Variants in PIGK observed in about 807,000 individuals in gnomAD.
PIGK encodes GPI-anchor transamidase.
A neutral mutation model predicts 50.6 loss-of-function variants in PIGK; 42 were observed. That is an observed-to-expected ratio of 0.83 (90% CI 0.65 to 1.07). PIGK has a LOEUF of 1.07. Ranked by LOEUF, PIGK falls within the 50% of genes least tolerant of loss-of-function variation. PIGK has a pLI of 0.00. For synonymous variants in PIGK, 151 were observed against 156.0 expected, an observed-to-expected ratio of 0.97 and a Z score of 0.24; for missense variants, 448 against 488.7, an observed-to-expected ratio of 0.92 and a Z score of 0.78.
chr1:77,169,828 TAC>T (rs1570238901), intron 3 of PIGK, among the ~76,000 whole-genome samples: 1 of 152,212 alleles, frequency 6.6e-6, no homozygotes, highest in Non-Finnish European at 1.5e-5. Context: ...TCTCAAGACT[TAC>T]AGAGTCCACG....
chr1:77,196,916 T>C (rs1340069874), intron 3 of PIGK, among the ~76,000 whole-genome samples: 3 of 152,216 alleles, frequency 2.0e-5, no homozygotes, highest in African/African-American at 7.2e-5. Flanking sequence ...GAATGGTATT[T>C]CCTAAGTTTT....
chr1:77,150,654 A>G (rs1468786514), intron 9 of PIGK, among the ~76,000 whole-genome samples: 2 of 152,128 alleles, frequency 1.3e-5, no homozygotes, highest in Non-Finnish European at 2.9e-5. Context: ...TCAGGGATAA[A>G]AAAGAAAACA....
At chr1:77,214,452 A>C (rs866412860) in intron 1 of PIGK, among the ~76,000 whole-genome samples, 1 of 152,172 alleles carries the variant, frequency 6.6e-6, no homozygotes, top group African/African-American at 2.4e-5. Context: ...AAAATTCAAC[A>C]TCCCCTCACG....
At chr1:77,120,185 T>C (rs1045596976) in intron 10 of PIGK, among the ~76,000 whole-genome samples, 2 of 152,150 alleles carry the variant, frequency 1.3e-5, no homozygotes, top group Non-Finnish European at 1.5e-5. Context: ...TTATCACATG[T>C]ATTACTGTTC....
intron 3 of PIGK, 83 bp from the exon 4 acceptor site, chr1:77,169,478 T>A: frequency 9.4e-7 from 1 of 1,068,118 alleles, no homozygotes; most frequent in South Asian, 1.6e-5. Context: ...ATGTAGCTAC[T>A]GTGTTCATTT....
At chr1:77,155,420 G>A (rs955848188) in intron 8 of PIGK, among the ~76,000 whole-genome samples, 9 of 152,142 alleles carry the variant, frequency 5.9e-5, no homozygotes, top group African/African-American at 2.2e-4. Flanking sequence ...AATTCATACT[G>A]TTACTTTCCA....
intron 9 of PIGK, among the ~76,000 whole-genome samples, chr1:77,136,764 A>T (rs1654528993): frequency 6.6e-6 from 1 of 152,098 alleles, no homozygotes; most frequent in African/African-American, 2.4e-5. Flanking sequence ...TGCTCATTCT[A>T]TATTTTCTTC....
At chr1:77,154,358 C>A in intron 9 of PIGK, 91 bp downstream of exon 9, 1 of 893,140 alleles carries the variant, frequency 1.1e-6, no homozygotes, top group Non-Finnish European at 1.7e-6. Flanking sequence ...TATTTACAAA[C>A]ACCAACTTTT....
At chr1:77,112,568 A>G (rs879474914) in intron 10 of PIGK, among the ~76,000 whole-genome samples, 37 of 152,142 alleles carry the variant, frequency 2.4e-4, no homozygotes, top group Non-Finnish European at 4.9e-4. Flanking sequence ...TCAATTTGTT[A>G]TTATATGCCT....
At chr1:77,148,082 G>C (rs1654810525) in intron 9 of PIGK, among the ~76,000 whole-genome samples, 1 of 152,116 alleles carries the variant, frequency 6.6e-6, no homozygotes, top group Admixed American at 6.5e-5. Flanking sequence ...TTTAATAACA[G>C]TGTGTTGATA....
At chr1:77,192,511 T>C (rs1377810948) in intron 3 of PIGK, among the ~76,000 whole-genome samples, 1 of 152,102 alleles carries the variant, frequency 6.6e-6, no homozygotes, top group Non-Finnish European at 1.5e-5. Flanking sequence ...GAAACAAGAT[T>C]ACAGAATTAG....
At chr1:77,173,160 C>G (rs1655405667) in intron 3 of PIGK, among the ~76,000 whole-genome samples, 1 of 152,088 alleles carries the variant, frequency 6.6e-6, no homozygotes, top group African/African-American at 2.4e-5. Context: ...TGAAGTCTTA[C>G]AGAAATGGTG....
At chr1:77,119,382 T>C (rs781520408) in intron 10 of PIGK, among the ~76,000 whole-genome samples, 14 of 152,222 alleles carry the variant, frequency 9.2e-5, no homozygotes, top group Non-Finnish European at 1.8e-4. Context: ...ATAGTTCTCT[T>C]CACTGCTGTG....
At chr1:77,156,906 CA>C (rs1317992787) in intron 8 of PIGK, among the ~76,000 whole-genome samples, 1 of 152,104 alleles carries the variant, frequency 6.6e-6, no homozygotes, top group African/African-American at 2.4e-5. Flanking sequence ...TCAAGAAGCT[CA>C]AAGCCTTGAG....
At chr1:77,218,308 C>G (rs927245269) in intron 1 of PIGK, among the ~76,000 whole-genome samples, 1 of 152,158 alleles carries the variant, frequency 6.6e-6, no homozygotes, top group African/African-American at 2.4e-5. Context: ...GCACCAAACT[C>G]AGGGAGTATG....
chr1:77,192,188 G>A (rs143656502), intron 3 of PIGK, among the ~76,000 whole-genome samples: 261 of 152,092 alleles, frequency 1.7e-3, no homozygotes, highest in African/African-American at 5.9e-3. Context: ...AACACTAGTC[G>A]TGAAGAGTAC....
rs1570238602 is a variant in PIGK, at chr1:77,169,393, T to C, written c.242A>G (p.His81Arg). The C allele has an allele frequency of 1.3e-6, 2 of 1,579,696 alleles. No individual in the cohort carries two copies. Among genetic ancestry groups the C allele is most frequent in the East Asian group, 4.6e-5 (2 of 43,864 alleles). The change falls in exon 4 of 11, where the codon CAC (histidine) becomes CGC (arginine). Residue 81 changes from histidine (H) to arginine (R), a missense_variant and splice_region_variant. Physicochemically the swap from His to Arg is conservative, Grantham distance 29. Transcript: ENST00000370812. The part of the protein sequence containing the change: ...SVKRLGIPDS[H>R]IVLMLADDMA... ...ATCATCTGCAAGCATTAGGACAATG[T>C]GACTAGGGAAAAAAAATCCAGTAAA... is the stretch of plus-strand genomic sequence containing the variant.
At chr1:77,114,954 A>C (rs890829101) in intron 10 of PIGK, among the ~76,000 whole-genome samples, 2 of 152,222 alleles carry the variant, frequency 1.3e-5, no homozygotes, top group Non-Finnish European at 2.9e-5. Context: ...CTAGGGATTC[A>C]GCATCCTTTT....
At chr1:77,188,838 C>T (rs553044536) in intron 3 of PIGK, among the ~76,000 whole-genome samples, 2 of 152,118 alleles carry the variant, frequency 1.3e-5, no homozygotes, top group Admixed American at 6.5e-5. Flanking sequence ...ATGTGATTAT[C>T]GGGGCAGGTT....
Sources: allele counts gnomAD v4.1 joint callset (sites outside exome capture counted in the v4.1 genomes callset), GRCh38; gene constraint gnomAD v4.1.1; transcripts MANE v1.5; gene names NCBI Gene and HGNC (gene_info 2026-07-23, HGNC 2026-07-21).